MDFIC2: variants seen among roughly 807,000 people sequenced by gnomAD.
The protein encoded by MDFIC2 is MyoD family inhibitor domain containing 2.
At chr3:70,261,060 T>C (rs2106661417) in intron 2 of MDFIC2, among the ~76,000 whole-genome samples, 1 of 152,310 alleles carries the variant, frequency 6.6e-6, no homozygotes, top group Non-Finnish European at 1.5e-5. Context: ...AGTAAGAATA[T>C]AAGCACTTCA....
intron 2 of MDFIC2, among the ~76,000 whole-genome samples, chr3:70,211,025 C>T (rs1701339715): frequency 6.6e-6 from 1 of 152,014 alleles, no homozygotes; most frequent in East Asian, 1.9e-4. Flanking sequence ...TAATGATTTT[C>T]ATTTTTGATC....
intron 2 of MDFIC2, among the ~76,000 whole-genome samples, chr3:70,274,085 G>GCGCA (rs1701999110): frequency 6.8e-6 from 1 of 146,678 alleles, no homozygotes. Flanking sequence ...GTGTGTGTGT[G>GCGCA]TGTGTGCGCG....
chr3:70,296,174 G>A (rs919469114), intron 2 of MDFIC2, among the ~76,000 whole-genome samples: 1 of 152,032 alleles, frequency 6.6e-6, no homozygotes, highest in Admixed American at 6.6e-5. Context: ...AACATAAAAC[G>A]AATGAGTCTT....
intron 2 of MDFIC2, among the ~76,000 whole-genome samples, chr3:70,228,806 A>G (rs938486198): frequency 6.6e-6 from 1 of 151,428 alleles, no homozygotes; most frequent in South Asian, 2.1e-4. Context: ...ACCTATTAAG[A>G]TGGATAGCTG....
rs569465776 is a variant in MDFIC2 at position 70,267,905 on chromosome 3, G to T, written c.88+43981C>A. ...AGTAGACTTGAAAATTTGAGCCAAG[G>T]TCCCAGTTTCCTTTCCTTTTCTTCC... On this transcript the variant is annotated intron_variant, in intron 2 of 3. Transcript: ENST00000567252. 2.0e-5 allele frequency among the ~76,000 whole-genome samples: 3 copies of T among 151,880 alleles called. No homozygotes were observed. In the East Asian group the frequency reaches 5.8e-4, roughly 30 times the overall value.
At chr3:70,225,074 G>T (rs1559539274) in intron 2 of MDFIC2, among the ~76,000 whole-genome samples, 1 of 152,204 alleles carries the variant, frequency 6.6e-6, no homozygotes, top group East Asian at 1.9e-4. Context: ...TTGGGTGTTG[G>T]AAAGTTACAG....
chr3:70,281,225 T>A (rs908186381), intron 2 of MDFIC2, among the ~76,000 whole-genome samples: 2 of 152,142 alleles, frequency 1.3e-5, no homozygotes, highest in African/African-American at 2.4e-5. Context: ...TCACATCTGA[T>A]CATGTTCCTC....
intron 2 of MDFIC2, among the ~76,000 whole-genome samples, chr3:70,258,841 A>C (rs1305844904): frequency 6.6e-6 from 1 of 152,192 alleles, no homozygotes. Context: ...CGCTGAGAGC[A>C]GGTGATGACC....
At chr3:70,285,242 G>A (rs991952267) in intron 2 of MDFIC2, among the ~76,000 whole-genome samples, 2 of 125,132 alleles carry the variant, frequency 1.6e-5, no homozygotes, top group Non-Finnish European at 3.1e-5. Context: ...AGAGTGTGAT[G>A]TTCCCCTTCC....
intron 2 of MDFIC2, among the ~76,000 whole-genome samples, chr3:70,230,731 G>T (rs944613078): frequency 1.3e-5 from 2 of 152,186 alleles, no homozygotes; most frequent in African/African-American, 4.8e-5. Flanking sequence ...GTCTGTGGAA[G>T]AATTCATCCC....
chr3:70,296,933 G>C (rs1006150234), intron 2 of MDFIC2, among the ~76,000 whole-genome samples: 2 of 151,804 alleles, frequency 1.3e-5, no homozygotes, highest in African/African-American at 4.8e-5. Context: ...AATCCAGTGT[G>C]ATCTGCCTCT....
At chr3:70,262,973 C>T (rs1353731301) in intron 2 of MDFIC2, among the ~76,000 whole-genome samples, 1 of 152,128 alleles carries the variant, frequency 6.6e-6, no homozygotes, top group Admixed American at 6.5e-5. Context: ...GTCTAACCTG[C>T]TGTTAATACT....
intron 2 of MDFIC2, 23 bp downstream of exon 2, chr3:70,311,863 A>G (rs1702456828): frequency 5.0e-6 from 2 of 397,528 alleles, no homozygotes; most frequent in Non-Finnish European, 4.4e-6. Flanking sequence ...CACCAATAGA[A>G]AATCAAGAGC....
chr3:70,301,823 C>T (rs1439617298), intron 2 of MDFIC2, among the ~76,000 whole-genome samples: 1 of 151,822 alleles, frequency 6.6e-6, no homozygotes, highest in African/African-American at 2.4e-5. Context: ...ATTTTGGTAA[C>T]TCTACAGGAA....
chr3:70,299,936 C>T (rs1316880191), intron 2 of MDFIC2, among the ~76,000 whole-genome samples: 1 of 152,106 alleles, frequency 6.6e-6, no homozygotes, highest in Non-Finnish European at 1.5e-5. Context: ...CACGCCCTTT[C>T]TCCAGTCAAA....
chr3:70,265,070 G>A (rs977876439), intron 2 of MDFIC2, among the ~76,000 whole-genome samples: 9 of 152,028 alleles, frequency 5.9e-5, no homozygotes, highest in Middle Eastern at 3.2e-3. Flanking sequence ...CAAGAACAGC[G>A]CAGGAAAGAC....
At chr3:70,208,805 C>A (rs1458377823) in intron 2 of MDFIC2, among the ~76,000 whole-genome samples, 1 of 152,052 alleles carries the variant, frequency 6.6e-6, no homozygotes, top group Non-Finnish European at 1.5e-5. Context: ...TTGTTTCTTT[C>A]TGATCCTCCA....
intron 2 of MDFIC2, among the ~76,000 whole-genome samples, chr3:70,218,048 C>T (rs1277027418): frequency 1.3e-5 from 2 of 152,074 alleles, no homozygotes; most frequent in African/African-American, 4.8e-5. Flanking sequence ...TTTTAAACTC[C>T]TTTTGCCCAC....
chr3:70,226,368 G>A (rs1701507241), intron 2 of MDFIC2, among the ~76,000 whole-genome samples: 2 of 152,142 alleles, frequency 1.3e-5, no homozygotes, highest in African/African-American at 4.8e-5. Flanking sequence ...TGGATGCAAA[G>A]CCCAGGAATT....
Sources: gnomAD v4.1 joint callset for allele counts (sites outside exome capture counted in the v4.1 genomes callset) on GRCh38, gnomAD v4.1.1 for gene constraint, MANE v1.5 for transcripts, NCBI Gene and HGNC (gene_info 2026-07-23, HGNC 2026-07-21) for gene names.